TFEB: variants seen among roughly 807,000 people sequenced by gnomAD.
TFEB encodes transcription factor EB.
TFEB carries 12 observed loss-of-function variants against 48.0 expected under a neutral mutation model. That is an observed-to-expected ratio of 0.25 (90% CI 0.16 to 0.40). TFEB has a LOEUF of 0.40. Among genes scored for constraint, TFEB ranks in the 10% least tolerant of loss-of-function variants. The pLI, the probability that TFEB is intolerant of heterozygous loss-of-function variation, is 1.00. For missense variants in TFEB, 509 were observed against 640.3 expected (o/e 0.79, Z 2.21); for synonymous variants, 244 against 261.4 (o/e 0.93, Z 0.64).
intron 1 of TFEB, among the ~76,000 whole-genome samples, chr6:41,719,567 G>A (rs887664587): frequency 1.1e-4 from 16 of 152,192 alleles, no homozygotes; most frequent in African/African-American, 3.6e-4. Flanking sequence ...AGGAGACTGA[G>A]ACCTAGGAGG....
chr6:41,716,907 A>C (rs761353), intron 1 of TFEB, among the ~76,000 whole-genome samples: 17,438 of 152,000 alleles, frequency 0.11, 1,184 homozygotes, highest in African/African-American at 0.17. Flanking sequence ...AGCATTTCGA[A>C]CCTAACTGCT....
chr6:41,722,645 G>A (rs1771031321), intron 1 of TFEB, among the ~76,000 whole-genome samples: 1 of 152,246 alleles, frequency 6.6e-6, no homozygotes. Context: ...TGAAGGGGCT[G>A]GTACAGATGA....
chr6:41,726,472 C>G (rs143547499), intron 1 of TFEB, among the ~76,000 whole-genome samples: 1 of 151,472 alleles, frequency 6.6e-6, no homozygotes, highest in Non-Finnish European at 1.5e-5. Flanking sequence ...TAGATGGAGT[C>G]TTGCTCTGTC....
chr6:41,686,508 C>CTTTT (rs34883692), intron 7 of TFEB: 183 of 150,700 alleles, frequency 1.2e-3, no homozygotes, highest in South Asian at 3.5e-3. Context: ...GCCTACCTTT[C>CTTTT]TTTTTTTTTT....
At position 41,687,864 on chromosome 6, in the gene TFEB, A is replaced by G. The variant is rs753040108; in HGVS notation, c.670+44T>C. ...CTGGGAGGGAGGGAGAAAAGGAGGG[A>G]GGAGTCGGGTATTCAAAGGCACAGG... On this transcript the variant is annotated intron_variant, in intron 5 of 8. Transcript: ENST00000373033. 1.9e-6 allele frequency: 3 copies of G among 1,609,788 alleles called. No individual in the cohort carries two copies. In the Admixed American group the frequency reaches 5.0e-5, roughly 27 times the overall value.
In TFEB at chr6:41,735,532, CT is replaced by C. The variant is rs1380116099; in HGVS notation, c.-206del. On this transcript the variant is annotated 5_prime_UTR_variant, in exon 1 of 9. Coordinates refer to ENST00000373033, the MANE Select transcript of TFEB (RefSeq NM_001271944.2). ...CCGCCGTCGGCGCCGCGGCCGCTCC[CT>C]GCGTCCCGCCCGGGCCGCCGCCTCC... 4 of 984,836 alleles carry C rather than the reference CT, an allele frequency of 4.1e-6. No homozygotes were observed. The highest frequency in any genetic ancestry group is 6.2e-5 in the Admixed American group (1 of 16,172). 61.0% of individuals were successfully genotyped at this position (984,836 alleles called of 1,614,324 possible).
intron 4 of TFEB, among the ~76,000 whole-genome samples, chr6:41,688,903 G>T (rs1769150314): frequency 6.6e-6 from 1 of 152,216 alleles, no homozygotes; most frequent in African/African-American, 2.4e-5. Context: ...AGGGTGAAAG[G>T]CTCATGCCCA....
At chr6:41,729,657 T>C (rs1393463593) in intron 1 of TFEB, among the ~76,000 whole-genome samples, 2 of 152,160 alleles carry the variant, frequency 1.3e-5, no homozygotes, top group Non-Finnish European at 2.9e-5. Flanking sequence ...CAGTGCACAG[T>C]TTTAAGCACT....
At chr6:41,718,812 T>C (rs1770853228) in intron 1 of TFEB, among the ~76,000 whole-genome samples, 1 of 152,022 alleles carries the variant, frequency 6.6e-6, no homozygotes, top group African/African-American at 2.4e-5. Context: ...ACAGGAAACA[T>C]GAAAGCCTGA....
rs1048213228 is a variant in TFEB at position 41,690,904 on chromosome 6, A to C, written c.227T>G (p.Leu76Arg). The change falls in exon 3 of 9, where the codon CTG (leucine) becomes CGG (arginine). Residue 76 changes from leucine (L) to arginine (R), a missense_variant. This residue lies in a region of TFEB where 251 missense variants were observed against 317.2 expected (regional missense o/e 0.79). Coordinates refer to ENST00000373033, the MANE Select transcript of TFEB (RefSeq NM_001271944.2). ...CAGATGGTAGGATGTGGGATTCTCC[A>C]GGTAGGACTGCACCTGGGAGGGGGA... The part of the protein sequence containing the change: ...PGEVLKVQSY[L>R]ENPTSYHLQQ... The C allele has an allele frequency of 6.3e-7, 1 of 1,590,146 alleles. No homozygotes were observed. The highest frequency in any genetic ancestry group is 8.6e-7 in the Non-Finnish European group (1 of 1,164,054).
At chr6:41,731,567 G>A (rs1771452835) in intron 1 of TFEB, among the ~76,000 whole-genome samples, 1 of 152,012 alleles carries the variant, frequency 6.6e-6, no homozygotes, top group Non-Finnish European at 1.5e-5. Context: ...GAATCCCACA[G>A]ATGATCCAGA....
At chr6:41,728,778 G>T (rs1332714149) in intron 1 of TFEB, among the ~76,000 whole-genome samples, 1 of 152,136 alleles carries the variant, frequency 6.6e-6, no homozygotes, top group Non-Finnish European at 1.5e-5. Flanking sequence ...CACTGTGCGG[G>T]GAGGGAGACA....
intron 1 of TFEB, among the ~76,000 whole-genome samples, chr6:41,732,123 T>C (rs2153876): frequency 0.89 from 135,393 of 152,196 alleles, 60,510 homozygotes; most frequent in Non-Finnish European, 0.93. Context: ...TGAGCTCCAG[T>C]GATCCTCCCA....
Position 41,723,779 on chromosome 6 carries a change from G to T in TFEB, c.-23+11571C>A. The T allele has an allele frequency of 5.4e-6, 2 of 372,992 alleles. No individual in the cohort carries two copies. Among genetic ancestry groups the T allele is most frequent in the Non-Finnish European group, 5.3e-6 (1 of 188,502 alleles). The allele number at this position is 372,992 out of a possible 1,614,324, so 23.1% of individuals were successfully genotyped here. A position where few individuals can be genotyped will look rare whatever the true frequency, so the allele number is the denominator to read the frequency against. On this transcript the variant is annotated intron_variant, in intron 1 of 8. Transcript: ENST00000373033. This position sits in a 1 kb window ranked among gnomAD's most constrained non-coding sequence, Gnocchi z 6.0. Reference sequence around the variant, plus strand: ...CTCCAGGCGCCCACAGCGCTCCTTGGTCCTCCCACAGGAGGCCTCTCATGG... The same window carrying T: ...CTCCAGGCGCCCACAGCGCTCCTTGTTCCTCCCACAGGAGGCCTCTCATGG...
chr6:41,687,666 C>A, intron 6 of TFEB, 87 bp downstream of exon 6: 1 of 1,555,960 alleles, frequency 6.4e-7, no homozygotes. Flanking sequence ...AAGCCTTCCA[C>A]CAGTGCAGGT....
At chr6:41,714,325 C>A (rs1770634985) in intron 1 of TFEB, among the ~76,000 whole-genome samples, 1 of 152,196 alleles carries the variant, frequency 6.6e-6, no homozygotes, top group Admixed American at 6.5e-5. Context: ...GCCTTCGGAA[C>A]CTGAGCCCAT....
At chr6:41,718,234 G>A (rs1770820513) in intron 1 of TFEB, among the ~76,000 whole-genome samples, 2 of 151,852 alleles carry the variant, frequency 1.3e-5, no homozygotes. Context: ...TTGGAGACAG[G>A]GTCTCGCTCT....
intron 1 of TFEB, chr6:41,732,801 C>A: frequency 1.0e-6 from 1 of 985,940 alleles, no homozygotes; most frequent in Non-Finnish European, 1.2e-6. Flanking sequence ...GCTCTGGGAA[C>A]CCTGAACTCC....
rs948054939 is a variant in TFEB at position 41,687,987 on chromosome 6, G to A, written c.591C>T (p.Asp197=). Residue 197 remains aspartate (D), a synonymous_variant, in exon 5 of 9, where the codon GAC becomes GAT. Coordinates refer to ENST00000373033, the MANE Select transcript of TFEB (RefSeq NM_001271944.2). ...SSSHLNVYSS[D]PQVTASLVGV... Reference sequence around the variant, plus strand: ...CCACCAGGGAGGCTGTGACCTGGGGGTCGCTGCTGTACACATTCAGGTGGC... The same window carrying A: ...CCACCAGGGAGGCTGTGACCTGGGGATCGCTGCTGTACACATTCAGGTGGC... The A allele has an allele frequency of 6.2e-7, 1 of 1,613,802 alleles. No homozygotes were observed. The highest frequency in any genetic ancestry group is 1.3e-5 in the African/African-American group (1 of 74,916).
Sources: allele counts gnomAD v4.1 joint callset (sites outside exome capture counted in the v4.1 genomes callset), GRCh38; gene constraint gnomAD v4.1.1; regional missense constraint gnomAD v4.1.1; non-coding constraint Gnocchi (gnomAD v3.1); transcripts MANE v1.5; gene names NCBI Gene and HGNC (gene_info 2026-07-23, HGNC 2026-07-21).